The following MBD2 variants were observed in gnomAD, a reference collection of about 807,000 sequenced individuals.
The protein encoded by MBD2 is methyl-CpG-binding domain protein 2.
In MBD2, 9 loss-of-function variants were observed where a neutral mutation model predicts 39.3. The observed-to-expected ratio is 0.23, with a 90% CI of 0.14 to 0.40. MBD2 has a LOEUF of 0.40. MBD2 is among the 10% of genes least tolerant of loss of function. MBD2 has a pLI of 1.00. For synonymous variants in MBD2, 233 were observed against 211.1 expected (o/e 1.10, Z -0.90); for missense variants, 458 against 532.6 (o/e 0.86, Z 1.38).
intron 5 of MBD2, among the ~76,000 whole-genome samples, chr18:54,163,906 C>T (rs757603533): frequency 1.3e-5 from 2 of 152,014 alleles, no homozygotes; most frequent in African/African-American, 4.8e-5. Flanking sequence ...TTTTCTAAGA[C>T]AGGATCTAGC....
Position 54,220,553 on chromosome 18 carries a change from A to C in MBD2, c.542+3465T>G, listed in dbSNP as rs140499430. Among the ~76,000 whole-genome samples the C allele has an allele frequency of 4.1e-4, 63 of 152,326 alleles. 1 individual carries two copies. The highest frequency in any genetic ancestry group is 2.4e-3 in the Admixed American group (37 of 15,302). On this transcript the variant is annotated intron_variant, in intron 1 of 6. Coordinates refer to ENST00000256429, the MANE Select transcript of MBD2 (RefSeq NM_003927.5). ...ACATTAACAGGCACAGATTTGTTTAAATTAATCTCCCCAGGGGCAGGCTAA... is the reference window on the plus strand; with the variant it reads ...ACATTAACAGGCACAGATTTGTTTACATTAATCTCCCCAGGGGCAGGCTAA...
At chr18:54,172,739 C>T (rs1238605284) in intron 3 of MBD2, among the ~76,000 whole-genome samples, 1 of 152,160 alleles carries the variant, frequency 6.6e-6, no homozygotes, top group African/African-American at 2.4e-5. Context: ...AACTTATTAG[C>T]AGAGTGAATG....
intron 2 of MBD2, among the ~76,000 whole-genome samples, chr18:54,204,365 T>C (rs931230532): frequency 6.6e-6 from 1 of 152,224 alleles, no homozygotes; most frequent in Non-Finnish European, 1.5e-5. Flanking sequence ...GGCTTAAGTA[T>C]CTCTCATCTG....
At chr18:54,217,450 G>C (rs1222644777) in intron 1 of MBD2, among the ~76,000 whole-genome samples, 20 of 152,108 alleles carry the variant, frequency 1.3e-4, no homozygotes. Context: ...CACTGGAAAT[G>C]GCAAAGAACA....
At chr18:54,216,771 C>T (rs2144350804) in intron 1 of MBD2, among the ~76,000 whole-genome samples, 1 of 151,962 alleles carries the variant, frequency 6.6e-6, no homozygotes, top group East Asian at 1.9e-4. Context: ...AAAAAATCTT[C>T]AAAAGGGGAT....
intron 2 of MBD2, among the ~76,000 whole-genome samples, chr18:54,204,632 A>G (rs2086435001): frequency 6.6e-6 from 1 of 152,234 alleles, no homozygotes; most frequent in Admixed American, 6.5e-5. Context: ...CTGAAAATCA[A>G]TACGTAATTA....
intron 2 of MBD2, among the ~76,000 whole-genome samples, 174 bp from the exon 3 acceptor site, chr18:54,189,185 T>C (rs1169140851): frequency 2.0e-5 from 3 of 152,016 alleles, no homozygotes; most frequent in African/African-American, 7.2e-5. Context: ...GAAACATGTA[T>C]GAAGTTTCCT....
At position 54,196,045 on chromosome 18, in the gene MBD2, G is replaced by C. The variant is rs969359933; in HGVS notation, c.703-7034C>G. 3.3e-5 allele frequency among the ~76,000 whole-genome samples: 5 copies of C among 152,082 alleles called. No individual in the cohort carries two copies. In the East Asian group the frequency reaches 5.8e-4, roughly 18 times the overall value. Reference sequence around the variant, plus strand: ...AATGGAAAGTGCCTTACAATTCTTCGTAAGTTTTTAATTAATATAATTCAC... The same window carrying C: ...AATGGAAAGTGCCTTACAATTCTTCCTAAGTTTTTAATTAATATAATTCAC... On this transcript the variant is annotated intron_variant, in intron 2 of 6. Transcript: ENST00000256429.
intron 3 of MBD2, among the ~76,000 whole-genome samples, chr18:54,183,181 A>C (rs1233448744): frequency 6.6e-6 from 1 of 152,222 alleles, no homozygotes; most frequent in African/African-American, 2.4e-5. Flanking sequence ...TTGGATGACA[A>C]AGGAGTTCAT....
intron 6 of MBD2, among the ~76,000 whole-genome samples, chr18:54,156,489 T>C (rs1568076159): frequency 1.3e-5 from 2 of 152,198 alleles, no homozygotes; most frequent in African/African-American, 4.8e-5. Flanking sequence ...TGCCAGTGCC[T>C]ACAACACAGC....
rs16957887 is a variant in MBD2, at chr18:54,167,215, C to G, written c.841-1049G>C. Among the ~76,000 whole-genome samples the G allele has an allele frequency of 6.4e-3, 972 of 152,290 alleles. 13 individuals are homozygous for G. The highest frequency in any genetic ancestry group is 0.022 in the African/African-American group (908 of 41,560). Reference sequence around the variant, plus strand: ...TTGTGGGAATGACTGAAAATGGGAGCAACTGGACTCAGCGTGAGGATCTGG... The same window carrying G: ...TTGTGGGAATGACTGAAAATGGGAGGAACTGGACTCAGCGTGAGGATCTGG... On this transcript the variant is annotated intron_variant, in intron 3 of 6. Transcript: ENST00000256429.
At position 54,155,199 on chromosome 18, in the gene MBD2, T is replaced by C. The variant is rs2086043802; in HGVS notation, c.*125A>G. On this transcript the variant is annotated 3_prime_UTR_variant, in exon 7 of 7. Coordinates refer to ENST00000256429, the MANE Select transcript of MBD2 (RefSeq NM_003927.5). ...CTAAAAAGGCATTGGTTAGTGCTAT[T>C]AAAAAGCTCTATGTGCTCGGGTACA... 1 of 152,328 alleles carries C rather than the reference T, an allele frequency of 6.6e-6. No individual in the cohort carries two copies. The highest frequency in any genetic ancestry group is 6.6e-5 in the Admixed American group (1 of 15,266). The allele number at this position is 152,328 out of a possible 1,614,324, so 9.4% of individuals were successfully genotyped here.
chr18:54,180,961 A>AC (rs1231716989), intron 3 of MBD2, among the ~76,000 whole-genome samples: 1 of 125,316 alleles, frequency 8.0e-6, no homozygotes, highest in Non-Finnish European at 1.6e-5. Context: ...CAGTGGCCTG[A>AC]TCTCGGCTCA....
intron 1 of MBD2, 55 bp downstream of exon 1, chr18:54,223,963 T>C (rs2086636398): frequency 3.5e-6 from 5 of 1,443,154 alleles, no homozygotes; most frequent in Non-Finnish European, 4.7e-6. Context: ...GGCCCGCTCT[T>C]GACCCCTGAC....
chr18:54,200,178 G>A (rs1268182510), intron 2 of MBD2, among the ~76,000 whole-genome samples: 1 of 152,000 alleles, frequency 6.6e-6, no homozygotes, highest in African/African-American at 2.4e-5. Flanking sequence ...CAATTTGGGT[G>A]AATAGAGAAA....
intron 1 of MBD2, among the ~76,000 whole-genome samples, chr18:54,213,708 G>A (rs1053029645): frequency 2.6e-5 from 4 of 152,154 alleles, no homozygotes; most frequent in Non-Finnish European, 5.9e-5. Flanking sequence ...TAGGGGGAAC[G>A]GGGTGAATAC....
intron 2 of MBD2, among the ~76,000 whole-genome samples, chr18:54,201,198 C>T (rs1328613779): frequency 6.6e-6 from 1 of 152,194 alleles, no homozygotes; most frequent in Non-Finnish European, 1.5e-5. Context: ...ATATGCTGCT[C>T]TGTAACTTTT....
At chr18:54,223,560 G>A (rs536952320) in intron 1 of MBD2, among the ~76,000 whole-genome samples, 1 of 152,314 alleles carries the variant, frequency 6.6e-6, no homozygotes, top group South Asian at 2.1e-4. Flanking sequence ...CCAAATAGCT[G>A]CTTTATACAA....
chr18:54,221,293 T>G (rs1249978281), intron 1 of MBD2, among the ~76,000 whole-genome samples: 1 of 151,796 alleles, frequency 6.6e-6, no homozygotes. Context: ...CTGTCTCTAC[T>G]AAAAGATACA....
Sources: allele counts gnomAD v4.1 joint callset (sites outside exome capture counted in the v4.1 genomes callset), GRCh38; gene constraint gnomAD v4.1.1; transcripts MANE v1.5; gene names NCBI Gene and HGNC (gene_info 2026-07-23, HGNC 2026-07-21).